The following SAMSN1 variants were observed in gnomAD, a reference collection of about 807,000 sequenced individuals.
The protein encoded by SAMSN1 is SAM domain-containing protein SAMSN-1.
SAMSN1 carries 31 observed loss-of-function variants against 42.0 expected under a neutral mutation model. The observed-to-expected ratio is 0.74, with a 90% CI of 0.55 to 1.00. The LOEUF (loss-of-function observed/expected upper bound fraction) is 1.00. Among genes scored for constraint, SAMSN1 ranks in the 50% least tolerant of loss-of-function variants. SAMSN1 has a pLI of 0.00. For missense variants in SAMSN1, 464 were observed against 439.4 expected (o/e 1.06, Z -0.50); for synonymous variants, 178 against 151.9 (o/e 1.17, Z -1.26).
At chr21:14,516,826 A>G (rs1487516720) in intron 3 of SAMSN1, 66 bp downstream of exon 3, 2 of 1,334,428 alleles carry the variant, frequency 1.5e-6, no homozygotes, top group Non-Finnish European at 2.1e-6. Context: ...GCACTTCTAT[A>G]GTCTAGCTGA....
intron 1 of SAMSN1, among the ~76,000 whole-genome samples, chr21:14,543,907 A>G (rs570683985): frequency 1.3e-4 from 20 of 152,318 alleles, no homozygotes; most frequent in African/African-American, 4.6e-4. Flanking sequence ...GTGATTCCCT[A>G]TATTTCAGAC....
chr21:14,568,809 G>A (rs892252431), intron 2 of SAMSN1, among the ~76,000 whole-genome samples: 2 of 152,138 alleles, frequency 1.3e-5, no homozygotes, highest in African/African-American at 4.8e-5. Flanking sequence ...TTAAATCATA[G>A]TATTAGTAGT....
At chr21:14,599,933 C>T (rs573024616) in intron 6 of SAMSN1, among the ~76,000 whole-genome samples, 1 of 152,270 alleles carries the variant, frequency 6.6e-6, no homozygotes, top group African/African-American at 2.4e-5. Flanking sequence ...CACTCACCAA[C>T]TCTCTTGAAT....
chr21:14,568,132 G>A (rs745659606), intron 2 of SAMSN1, among the ~76,000 whole-genome samples: 10 of 152,120 alleles, frequency 6.6e-5, no homozygotes, highest in East Asian at 3.8e-4. Context: ...GGGAAATACC[G>A]CTTTAGAACA....
At chr21:14,642,042 T>C (rs549350722) in intron 2 of SAMSN1, among the ~76,000 whole-genome samples, 1 of 152,246 alleles carries the variant, frequency 6.6e-6, no homozygotes, top group East Asian at 1.9e-4. Context: ...CAAGAGAAAA[T>C]ACATTTATTA....
chr21:14,595,043 C>T (rs1270239729), intron 6 of SAMSN1, among the ~76,000 whole-genome samples: 1 of 152,070 alleles, frequency 6.6e-6, no homozygotes, highest in Non-Finnish European at 1.5e-5. Context: ...GGCGGAGGGG[C>T]TACACACTTG....
chr21:14,512,367 G>T, intron 4 of SAMSN1, 77 bp downstream of exon 4: 1 of 1,494,674 alleles, frequency 6.7e-7, no homozygotes, highest in South Asian at 1.2e-5. Flanking sequence ...CCTTGTGGCT[G>T]ATTTAACTTG....
At chr21:14,626,812 A>G (rs1416349764) in intron 2 of SAMSN1, among the ~76,000 whole-genome samples, 1 of 152,220 alleles carries the variant, frequency 6.6e-6, no homozygotes, top group Non-Finnish European at 1.5e-5. Flanking sequence ...ATGCTGCTAT[A>G]AAGACACATG....
intron 2 of SAMSN1, among the ~76,000 whole-genome samples, chr21:14,557,096 G>A (rs966763684): frequency 2.0e-5 from 3 of 152,270 alleles, no homozygotes; most frequent in Admixed American, 2.0e-4. Flanking sequence ...CACTCAGACT[G>A]TTTTCTGCTG....
chr21:14,614,288 C>A (rs1982777536), intron 3 of SAMSN1, among the ~76,000 whole-genome samples: 1 of 152,036 alleles, frequency 6.6e-6, no homozygotes, highest in Admixed American at 6.6e-5. Flanking sequence ...AGTGGGGATG[C>A]AGTTGAGGTA....
At chr21:14,630,224 T>C (rs1600974237) in intron 2 of SAMSN1, among the ~76,000 whole-genome samples, 1 of 152,186 alleles carries the variant, frequency 6.6e-6, no homozygotes, top group Non-Finnish European at 1.5e-5. Flanking sequence ...CAATCAGGTG[T>C]CCATGTATAA....
exon 2 of SAMSN1, chr21:14,643,016 T>C (rs1159152191): frequency 1.4e-6 from 1 of 717,114 alleles, no homozygotes; most frequent in African/African-American, 1.7e-5. Context: ...AAGAGATTGT[T>C]TGGTGTTTGT....
intron 1 of SAMSN1, among the ~76,000 whole-genome samples, chr21:14,654,197 A>G (rs1239780769): frequency 6.6e-6 from 1 of 151,972 alleles, no homozygotes; most frequent in Non-Finnish European, 1.5e-5. Flanking sequence ...CACTTAGCAT[A>G]TTGAAAAGTT....
At chr21:14,551,353 T>TA (rs1980589746) in intron 2 of SAMSN1, among the ~76,000 whole-genome samples, 1 of 152,124 alleles carries the variant, frequency 6.6e-6, no homozygotes. Context: ...TCATACAGGA[T>TA]AAAACTGCCT....
chr21:14,511,566 A>G (rs1188942721), intron 4 of SAMSN1, among the ~76,000 whole-genome samples: 1 of 152,236 alleles, frequency 6.6e-6, no homozygotes, highest in Non-Finnish European at 1.5e-5. Flanking sequence ...GGATATTTGA[A>G]ACATCTGGTC....
chr21:14,625,614 C>T (rs890187924), intron 2 of SAMSN1, among the ~76,000 whole-genome samples: 1 of 152,058 alleles, frequency 6.6e-6, no homozygotes, highest in Non-Finnish European at 1.5e-5. Flanking sequence ...AACCACTGCT[C>T]AATGAGATAA....
intron 6 of SAMSN1, among the ~76,000 whole-genome samples, chr21:14,601,303 G>A (rs1982423164): frequency 6.6e-6 from 1 of 152,068 alleles, no homozygotes; most frequent in Admixed American, 6.6e-5. Context: ...CTAATTTATT[G>A]GAGGGCCTCC....
At chr21:14,529,851 T>C (rs1287562388) in intron 1 of SAMSN1, among the ~76,000 whole-genome samples, 1 of 152,236 alleles carries the variant, frequency 6.6e-6, no homozygotes, top group Non-Finnish European at 1.5e-5. Context: ...GCATTTTATG[T>C]GTCTATGCCT....
chr21:14,636,556 T>A (rs541106971), intron 2 of SAMSN1, among the ~76,000 whole-genome samples: 2 of 152,266 alleles, frequency 1.3e-5, no homozygotes, highest in South Asian at 2.1e-4. Flanking sequence ...TCTAAGGATA[T>A]AACTGGCCAG....
Sources: gnomAD v4.1 joint callset for allele counts (sites outside exome capture counted in the v4.1 genomes callset) on GRCh38, gnomAD v4.1.1 for gene constraint, MANE v1.5 for transcripts, NCBI Gene and HGNC (gene_info 2026-07-23, HGNC 2026-07-21) for gene names.